NXPH1: variants seen among roughly 807,000 people sequenced by gnomAD.
The protein encoded by NXPH1 is neurexophilin 1.
Under a neutral mutation model 23.7 loss-of-function variants are expected in NXPH1, and 5 were observed. That is an observed-to-expected ratio of 0.21 (90% CI 0.11 to 0.44). The LOEUF is 0.44. NXPH1 is among the 20% of genes least tolerant of loss of function. The pLI is 0.99. For missense variants in NXPH1, 324 were observed against 321.6 expected (o/e 1.01, Z -0.06); for synonymous variants, 144 against 122.2 (o/e 1.18, Z -1.18).
chr7:8,486,885 C>A (rs2128610644), intron 2 of NXPH1, among the ~76,000 whole-genome samples: 1 of 152,246 alleles, frequency 6.6e-6, no homozygotes, highest in African/African-American at 2.4e-5. Context: ...CCATTCTAAT[C>A]TCCCTCATTT....
chr7:8,524,241 CAAAAAA>C (rs34744233), intron 2 of NXPH1, among the ~76,000 whole-genome samples: 1 of 73,714 alleles, frequency 1.4e-5, no homozygotes, highest in South Asian at 5.5e-4. Context: ...GACTCTGTCT[CAAAAAA>C]AAAAAAAAAA....
chr7:8,682,612 A>G (rs567234688), intron 2 of NXPH1, among the ~76,000 whole-genome samples: 90 of 152,326 alleles, frequency 5.9e-4, no homozygotes, highest in African/African-American at 2.1e-3. Context: ...CATCAGTGGA[A>G]TCAACATACA....
At chr7:8,538,313 C>A (rs1266988706) in intron 2 of NXPH1, among the ~76,000 whole-genome samples, 4 of 151,920 alleles carry the variant, frequency 2.6e-5, no homozygotes, top group African/African-American at 9.7e-5. Context: ...CCCTTCTTGT[C>A]TTTTCCTCCA....
rs560285548 is a variant in NXPH1, at chr7:8,587,971, G to A, written c.54+152204G>A. On this transcript the variant is annotated intron_variant, in intron 2 of 2. Transcript: ENST00000405863. ...CAGACACTTCTCAAAAGAAGACATC[G>A]ATGTGGCCAACAAATGTATGAAAAA... Among the ~76,000 whole-genome samples the A allele has an allele frequency of 2.4e-4, 37 of 152,104 alleles. No homozygotes were observed. In the East Asian group the frequency reaches 4.2e-3, roughly 17 times the overall value.
chr7:8,552,146 C>G (rs1024131102), intron 2 of NXPH1, among the ~76,000 whole-genome samples: 5 of 133,844 alleles, frequency 3.7e-5, no homozygotes, highest in African/African-American at 1.5e-4. Flanking sequence ...AAAAAAACCA[C>G]CAAAACCACA....
chr7:8,587,938 A>G (rs1371794596), intron 2 of NXPH1, among the ~76,000 whole-genome samples: 1 of 152,064 alleles, frequency 6.6e-6, no homozygotes, highest in Non-Finnish European at 1.5e-5. Context: ...TATTGCTGCA[A>G]TTATGATCAG....
At chr7:8,586,626 A>AATATATATATAT (rs201601131) in intron 2 of NXPH1, among the ~76,000 whole-genome samples, 23 of 147,360 alleles carry the variant, frequency 1.6e-4, no homozygotes, top group African/African-American at 5.7e-4. Flanking sequence ...GAGAATAATG[A>AATATATATATAT]ATATATATAT....
intron 2 of NXPH1, among the ~76,000 whole-genome samples, chr7:8,699,323 G>T (rs1191563607): frequency 6.6e-6 from 1 of 151,966 alleles, no homozygotes; most frequent in Non-Finnish European, 1.5e-5. Context: ...TTTATTTTAA[G>T]ATTTTAAAAC....
intron 2 of NXPH1, among the ~76,000 whole-genome samples, chr7:8,570,048 G>C (rs888919843): frequency 2.0e-5 from 3 of 151,870 alleles, no homozygotes. Flanking sequence ...AGCTGTTACT[G>C]TCTTTACCTC....
intron 2 of NXPH1, among the ~76,000 whole-genome samples, chr7:8,455,193 A>G (rs563274399): frequency 6.6e-6 from 1 of 152,272 alleles, no homozygotes; most frequent in Admixed American, 6.5e-5. Context: ...CAGTTCTCCT[A>G]TATACATAAA....
At chr7:8,621,153 G>T (rs112910239) in intron 2 of NXPH1, among the ~76,000 whole-genome samples, 5 of 152,188 alleles carry the variant, frequency 3.3e-5, no homozygotes, top group African/African-American at 1.2e-4. Flanking sequence ...TAAATCTGAT[G>T]TGAGTGTCAC....
At chr7:8,451,702 T>TA (rs1396136514) in intron 2 of NXPH1, among the ~76,000 whole-genome samples, 1 of 152,244 alleles carries the variant, frequency 6.6e-6, no homozygotes, top group African/African-American at 2.4e-5. Flanking sequence ...GCCCATTGCC[T>TA]ATATCAAAAA....
chr7:8,571,425 T>TG (rs1414372192), intron 2 of NXPH1, among the ~76,000 whole-genome samples: 1 of 151,660 alleles, frequency 6.6e-6, no homozygotes, highest in African/African-American at 2.4e-5. Flanking sequence ...AGGGGAAATT[T>TG]GGGGGGAACA....
At chr7:8,651,060 G>GC (rs1820484206) in intron 2 of NXPH1, among the ~76,000 whole-genome samples, 1 of 150,098 alleles carries the variant, frequency 6.7e-6, no homozygotes, top group African/African-American at 2.4e-5. Context: ...CCATGCTGGT[G>GC]CGCTGCACCC....
chr7:8,543,054 C>T (rs2128618676), intron 2 of NXPH1, among the ~76,000 whole-genome samples: 1 of 151,694 alleles, frequency 6.6e-6, no homozygotes, highest in Middle Eastern at 3.4e-3. Flanking sequence ...AGCTATCCCT[C>T]CTTGACCCCC....
intron 2 of NXPH1, among the ~76,000 whole-genome samples, chr7:8,654,144 C>T (rs1820535087): frequency 6.6e-6 from 1 of 152,070 alleles, no homozygotes; most frequent in South Asian, 2.1e-4. Flanking sequence ...TTTGGATAGT[C>T]TCAATTTCTT....
chr7:8,602,956 G>A (rs944736589), intron 2 of NXPH1, among the ~76,000 whole-genome samples: 13 of 152,020 alleles, frequency 8.6e-5, no homozygotes, highest in Admixed American at 3.3e-4. Context: ...GATTACAGGC[G>A]CCCACCACCA....
chr7:8,546,949 A>G (rs994837071), intron 2 of NXPH1, among the ~76,000 whole-genome samples: 27 of 151,436 alleles, frequency 1.8e-4, no homozygotes, highest in Admixed American at 1.3e-3. Context: ...GAATTTTCAT[A>G]CTGTGAGATG....
At chr7:8,739,425 C>G (rs1285664814) in intron 2 of NXPH1, among the ~76,000 whole-genome samples, 1 of 152,070 alleles carries the variant, frequency 6.6e-6, no homozygotes, top group African/African-American at 2.4e-5. Flanking sequence ...CTTGTGCTTC[C>G]TGGGTGAGGC....
Sources: gnomAD v4.1 joint callset for allele counts (sites outside exome capture counted in the v4.1 genomes callset) on GRCh38, gnomAD v4.1.1 for gene constraint, MANE v1.5 for transcripts, NCBI Gene and HGNC (gene_info 2026-07-23, HGNC 2026-07-21) for gene names.